ATP12A: variants seen among roughly 807,000 people sequenced by gnomAD.
ATP12A encodes the protein ATPase H+/K+ transporting non-gastric alpha2 subunit.
In ATP12A, 81 loss-of-function variants were observed where a neutral mutation model predicts 111.2. That is an observed-to-expected ratio of 0.73 (90% CI 0.61 to 0.88). ATP12A has a LOEUF of 0.88. Among genes scored for constraint, ATP12A ranks in the 40% least tolerant of loss-of-function variants. The probability of loss-of-function intolerance (pLI) is 0.00; values close to 1 mark genes in which losing one functional copy is unlikely to be tolerated. For synonymous variants in ATP12A, 498 were observed against 499.8 expected (o/e 1.00, Z 0.05); for missense variants, 1,196 against 1,313.1 (o/e 0.91, Z 1.38).
chr13:24,701,311 CA>C (rs1309327397), intron 13 of ATP12A, among the ~76,000 whole-genome samples: 1 of 151,886 alleles, frequency 6.6e-6, no homozygotes, highest in Non-Finnish European at 1.5e-5. Flanking sequence ...CAGCCATGGC[CA>C]ACATGGTGAA....
rs200199718 is a variant in ATP12A, at chr13:24,688,403, G to C, written c.313G>C (p.Val105Leu). ...LTPPKQTPEIVKFLKQMVGGF... is the reference protein window; with the variant it reads ...LTPPKQTPEILKFLKQMVGGF... ...CCCTCCCAAGCAGACGCCTGAGATC[G>C]TCAAGTTCCTCAAGCAGATGGTGGG... Residue 105 changes from valine (V) to leucine (L), a missense_variant, in exon 4 of 23, where the codon GTC becomes CTC. Val to Leu is a conservative substitution (Grantham distance 32). This residue lies in a region of ATP12A where 1,126 missense variants were observed against 1,228.5 expected (regional missense o/e 0.92). Transcript: ENST00000381946. 3 of 1,614,032 alleles carry C rather than the reference G, an allele frequency of 1.9e-6. No individual in the cohort carries two copies. The highest frequency in any genetic ancestry group is 1.3e-5 in the African/African-American group (1 of 74,926).
At chr13:24,686,792 A>G (rs1009286631) in intron 3 of ATP12A, among the ~76,000 whole-genome samples, 1 of 151,588 alleles carries the variant, frequency 6.6e-6, no homozygotes, top group Non-Finnish European at 1.5e-5. Context: ...GAAAGAAAGA[A>G]ATTGCAGAGA....
chr13:24,709,043 C>T (rs1248016855), intron 17 of ATP12A, among the ~76,000 whole-genome samples: 2 of 152,134 alleles, frequency 1.3e-5, no homozygotes, highest in Non-Finnish European at 2.9e-5. Context: ...AGGTGGGGCG[C>T]AATGATCTGT....
In ATP12A at chr13:24,689,304, G is replaced by A. The variant is rs1310053849; in HGVS notation, c.475G>A (p.Gly159Arg). 1 of 1,613,938 alleles carries A rather than the reference G, an allele frequency of 6.2e-7. No homozygotes were observed. The highest frequency in any genetic ancestry group is 1.7e-5 in the Admixed American group (1 of 59,994). The change falls in exon 5 of 23, where the codon GGG becomes AGG. Residue 159 changes from glycine (G) to arginine (R), a missense_variant. Gly to Arg is a moderately radical substitution (Grantham distance 125). Around this residue, in one of 3 missense-constraint regions of ATP12A, gnomAD observed 1,126 missense variants for 1,228.5 expected, o/e 0.92. Coordinates refer to ENST00000381946, the MANE Select transcript of ATP12A (RefSeq NM_001676.7). Reference protein sequence around the residue: ...CVLGLVVILTGIFAYYQEAKS... With the variant: ...CVLGLVVILTRIFAYYQEAKS... ...GCTTGGTCTGGTGGTCATTTTAACG[G>A]GGATCTTTGCTTATTACCAAGAGGC...
In ATP12A at chr13:24,708,895, A is replaced by AG. The variant is rs201519564; in HGVS notation, c.2494-468dup. 6.4e-3 allele frequency among the ~76,000 whole-genome samples: 882 copies of AG among 138,052 alleles called. 1 individual carries two copies. Among genetic ancestry groups the AG allele is most frequent in the East Asian group, 0.014 (63 of 4,650 alleles). 90.6% of individuals were successfully genotyped at this position (138,052 alleles called of 152,430 possible). A position where few individuals can be genotyped will look rare whatever the true frequency, so the allele number is the denominator to read the frequency against. On this transcript the variant is annotated intron_variant, in intron 17 of 22. Transcript: ENST00000381946. ...GAGAAAGAGAGAGAAAGAGAAAGAA[A>AG]GAAAGGAAAGAAAGAAAGAAAGAAA...
At chr13:24,684,636 G>A (rs547735536) in intron 2 of ATP12A, among the ~76,000 whole-genome samples, 1 of 152,360 alleles carries the variant, frequency 6.6e-6, no homozygotes. Flanking sequence ...CTGAGGGGAG[G>A]ATGTTAGTGG....
rs760115255 is a variant in ATP12A, at chr13:24,685,275, T to TTAGA, written c.169-37_169-36insGATA. On this transcript the variant is annotated intron_variant, in intron 2 of 22. Transcript: ENST00000381946. The surrounding 1 kb of genome is among the most constrained non-coding windows in gnomAD (Gnocchi z 5.5). ...AGCTTGGGGCTTGAGTCTTTTGGAATTATCTAATTCACTCTGTTCTTCCTT... is the reference window on the plus strand; with the variant it reads ...AGCTTGGGGCTTGAGTCTTTTGGAATTAGATATCTAATTCACTCTGTTCTTCCTT... The TTAGA allele has an allele frequency of 6.3e-7, 1 of 1,596,208 alleles. No individual in the cohort carries two copies. Among genetic ancestry groups the TTAGA allele is most frequent in the Non-Finnish European group, 8.6e-7 (1 of 1,163,720 alleles).
At position 24,709,809 on chromosome 13, in the gene ATP12A, A is replaced by G. The variant is rs375389166; in HGVS notation, c.2744A>G (p.Asp915Gly). Residue 915 changes from aspartate to glycine, a missense_variant, in exon 19 of 23, where the codon GAC (aspartate) becomes GGC (glycine). By Grantham distance (94) the Asp-to-Gly change is moderately conservative. Around this residue, in one of 3 missense-constraint regions of ATP12A, gnomAD observed 1,126 missense variants for 1,228.5 expected, o/e 0.92. Transcript: ENST00000381946. ...WEKDYVNDLK[D>G]SYGQEWTRYQ... The stretch of plus-strand genomic sequence containing the variant: ...AAGGACTACGTGAATGACTTGAAAG[A>G]CAGCTATGGGCAGGAATGGGTGAGT... 2.3e-5 allele frequency: 37 copies of G among 1,614,128 alleles called. No homozygotes were observed. In the African/African-American group the frequency reaches 4.5e-4, roughly 20 times the overall value.
At chr13:24,681,480 G>A (rs755745733) in intron 1 of ATP12A, 82 bp from the exon 2 acceptor site, 9 of 1,511,724 alleles carry the variant, frequency 6.0e-6, no homozygotes, top group Non-Finnish European at 8.0e-6. Flanking sequence ...ACTCCTGCAG[G>A]TCCTGACCCC....
chr13:24,700,659 G>C (rs1259293641), intron 12 of ATP12A, 88 bp from the exon 13 acceptor site: 1 of 1,265,408 alleles, frequency 7.9e-7, no homozygotes, highest in Non-Finnish European at 1.1e-6. Context: ...AAACAGCAGA[G>C]GACCAAGGTG....
At chr13:24,704,700 G>T in intron 14 of ATP12A, 1 of 230,558 alleles carries the variant, frequency 4.3e-6, no homozygotes, top group South Asian at 5.4e-5. Context: ...ACGAGAGAAA[G>T]ACATAATCTT....
intron 19 of ATP12A, 63 bp from the exon 20 acceptor site, chr13:24,710,397 T>C (rs1391434591): frequency 3.1e-6 from 5 of 1,592,756 alleles, no homozygotes; most frequent in Middle Eastern, 1.7e-4. Flanking sequence ...GAGAACTGCA[T>C]TGGAATTTCC....
chr13:24,701,129 A>G (rs12584624), intron 13 of ATP12A, among the ~76,000 whole-genome samples: 2 of 152,214 alleles, frequency 1.3e-5, no homozygotes, highest in Non-Finnish European at 2.9e-5. Context: ...AACCACATAA[A>G]CAGTAAATGC....
At chr13:24,693,311 C>G (rs989093432) in intron 10 of ATP12A, among the ~76,000 whole-genome samples, 59 of 152,132 alleles carry the variant, frequency 3.9e-4, no homozygotes, top group African/African-American at 1.4e-3. Flanking sequence ...CCTGGAATAT[C>G]GGAACATACA....
chr13:24,685,014 C>T lies in ATP12A; in HGVS notation c.169-300C>T, dbSNP rs1208035982. Among the ~76,000 whole-genome samples the T allele has an allele frequency of 6.6e-6, 1 of 152,152 alleles. No homozygotes were observed. The highest frequency in any genetic ancestry group is 2.4e-5 in the African/African-American group (1 of 41,430). ...AGATGAGGGTGCCAGAACCTGTATG[C>T]CCTGGAGTTCAGATTGAAGCGAGGT... On this transcript the variant is annotated intron_variant, in intron 2 of 22. Coordinates refer to ENST00000381946, the MANE Select transcript of ATP12A (RefSeq NM_001676.7). This position sits in a 1 kb window ranked among gnomAD's most constrained non-coding sequence, Gnocchi z 5.5.
chr13:24,692,663 G>C, intron 9 of ATP12A, 36 bp downstream of exon 9: 1 of 1,602,360 alleles, frequency 6.2e-7, no homozygotes, highest in Non-Finnish European at 8.5e-7. Flanking sequence ...GGCCAAAGCT[G>C]TGGACTCCAT....
rs1281984649 is a variant in ATP12A, at chr13:24,711,299, T to A, written c.3000-19T>A. 4.4e-6 allele frequency: 7 copies of A among 1,579,946 alleles called. No homozygotes were observed. The highest frequency in any genetic ancestry group is 6.0e-6 in the Non-Finnish European group (7 of 1,161,112). On this transcript the variant is annotated intron_variant, in intron 21 of 22. Coordinates refer to ENST00000381946, the MANE Select transcript of ATP12A (RefSeq NM_001676.7). Reference sequence around the variant, plus strand: ...CCTGTGGATGAGTCAGGGTTCACTTTCCATCCCTTTGCTTCCAGGGCTCAG... The same window carrying A: ...CCTGTGGATGAGTCAGGGTTCACTTACCATCCCTTTGCTTCCAGGGCTCAG...
At chr13:24,687,197 A>T (rs2137692171) in intron 3 of ATP12A, among the ~76,000 whole-genome samples, 1 of 152,290 alleles carries the variant, frequency 6.6e-6, no homozygotes, top group Middle Eastern at 3.4e-3. Context: ...ATGGTGGCTT[A>T]GGTCTGTAAT....
In ATP12A at chr13:24,700,928, A is replaced by C; in HGVS notation, c.1881+6A>C. On this transcript the variant is annotated splice_donor_region_variant and intron_variant, in intron 13 of 22. Coordinates refer to ENST00000381946, the MANE Select transcript of ATP12A (RefSeq NM_001676.7). ...GCCGGAGTGCAGGGATCAAGGTGGGAGTTATTTTCCTGACTCAAGAAGTTC... is the reference window on the plus strand; with the variant it reads ...GCCGGAGTGCAGGGATCAAGGTGGGCGTTATTTTCCTGACTCAAGAAGTTC... 6.2e-7 allele frequency: 1 copy of C among 1,611,708 alleles called. No individual in the cohort carries two copies. The highest frequency in any genetic ancestry group is 1.1e-5 in the South Asian group (1 of 90,828).
Sources: allele counts gnomAD v4.1 joint callset (sites outside exome capture counted in the v4.1 genomes callset), GRCh38; gene constraint gnomAD v4.1.1; regional missense constraint gnomAD v4.1.1; non-coding constraint Gnocchi (gnomAD v3.1); transcripts MANE v1.5; gene names NCBI Gene and HGNC (gene_info 2026-07-23, HGNC 2026-07-21).